Variants in TBC1D14 observed in about 807,000 individuals in gnomAD.
TBC1D14 encodes TBC1 domain family, member 14.
A neutral mutation model predicts 79.0 loss-of-function variants in TBC1D14; 26 were observed. The ratio of observed to expected loss-of-function variants is 0.33; its 90% CI spans 0.24 to 0.46. The LOEUF is 0.46. Ranked by LOEUF, TBC1D14 falls within the 20% of genes least tolerant of loss-of-function variation. The pLI is 1.00. For synonymous variants in TBC1D14, 394 were observed against 349.9 expected (o/e 1.13, Z -1.40); for missense variants, 769 against 887.6 (o/e 0.87, Z 1.70).
intron 9 of TBC1D14, among the ~76,000 whole-genome samples, chr4:7,008,518 T>C (rs1258317274): frequency 6.6e-6 from 1 of 152,210 alleles, no homozygotes. Flanking sequence ...GTTCAAGCGA[T>C]TCTCTTGCCT....
intron 2 of TBC1D14, among the ~76,000 whole-genome samples, chr4:6,937,357 T>C (rs1712440320): frequency 6.6e-6 from 1 of 152,202 alleles, no homozygotes; most frequent in Non-Finnish European, 1.5e-5. Context: ...TGAACATGTT[T>C]TTTTATAAGG....
At chr4:7,015,436 GT>G (rs1721185642) in intron 12 of TBC1D14, among the ~76,000 whole-genome samples, 1 of 152,188 alleles carries the variant, frequency 6.6e-6, no homozygotes, top group Non-Finnish European at 1.5e-5. Flanking sequence ...GGCCAGGGCA[GT>G]TAGTGGATTT....
intron 13 of TBC1D14, among the ~76,000 whole-genome samples, chr4:7,029,475 C>G (rs1300687688): frequency 6.6e-6 from 1 of 152,234 alleles, no homozygotes; most frequent in Non-Finnish European, 1.5e-5. Flanking sequence ...GCAGAGTTCT[C>G]TGCTTGGCGT....
intron 13 of TBC1D14, among the ~76,000 whole-genome samples, chr4:7,028,754 G>T (rs775603001): frequency 6.6e-6 from 1 of 151,844 alleles, no homozygotes; most frequent in Non-Finnish European, 1.5e-5. Flanking sequence ...TACAGTTCAG[G>T]TCTCATGGGA....
chr4:7,019,401 C>T (rs1173613446), intron 12 of TBC1D14, among the ~76,000 whole-genome samples: 4 of 152,254 alleles, frequency 2.6e-5, no homozygotes, highest in Middle Eastern at 3.4e-3. Flanking sequence ...GCACTTGGGT[C>T]GTCTCTGGCC....
chr4:6,917,378 G>A (rs1723487469), intron 1 of TBC1D14, among the ~76,000 whole-genome samples: 1 of 152,252 alleles, frequency 6.6e-6, no homozygotes, highest in Admixed American at 6.5e-5. Flanking sequence ...TTGTAAAATA[G>A]CTGTTTCAGG....
At chr4:6,939,042 C>T (rs538500885) in intron 2 of TBC1D14, among the ~76,000 whole-genome samples, 1 of 152,280 alleles carries the variant, frequency 6.6e-6, no homozygotes, top group South Asian at 2.1e-4. Flanking sequence ...GCTAGTGAAA[C>T]CCTCTCCGGC....
At chr4:6,995,758 T>G (rs1354754804) in intron 4 of TBC1D14, 1 of 152,544 alleles carries the variant, frequency 6.6e-6, no homozygotes, top group African/African-American at 2.4e-5. Context: ...GTGATCCACC[T>G]GCCTCGGCCT....
Position 7,025,094 on chromosome 4 carries a change from C to T in TBC1D14, c.1848C>T (p.Phe616=), listed in dbSNP as rs942678577. The part of the protein sequence containing the change: ...VFCRDGEEFL[F]RTALGILKLF... Reference sequence around the variant, plus strand: ...GTCGCGATGGGGAAGAGTTCCTGTTCCGCACGGCCCTGGGCATCCTGAAGC... The same window carrying T: ...GTCGCGATGGGGAAGAGTTCCTGTTTCGCACGGCCCTGGGCATCCTGAAGC... The change falls in exon 13 of 14, where the codon TTC becomes TTT. Residue 616 remains phenylalanine, a synonymous_variant. Transcript: ENST00000409757. 1.1e-5 allele frequency: 18 copies of T among 1,614,094 alleles called. No homozygotes were observed. The highest frequency in any genetic ancestry group is 2.2e-5 in the East Asian group (1 of 44,892).
chr4:6,968,669 C>T (rs1044555056), intron 3 of TBC1D14, among the ~76,000 whole-genome samples: 2 of 152,218 alleles, frequency 1.3e-5, no homozygotes, highest in African/African-American at 4.8e-5. Flanking sequence ...AGGAGGCTGA[C>T]CGCCGGGAGG....
At chr4:6,916,447 T>G (rs1723409641) in intron 1 of TBC1D14, among the ~76,000 whole-genome samples, 1 of 152,246 alleles carries the variant, frequency 6.6e-6, no homozygotes, top group African/African-American at 2.4e-5. Context: ...GGTTTGGCCT[T>G]GTAAACAGTT....
In TBC1D14 at chr4:7,030,446, C is replaced by G; in HGVS notation, c.*54C>G. On this transcript the variant is annotated 3_prime_UTR_variant, in exon 14 of 14. Transcript: ENST00000409757. ...CAATCAGAGCCCCATGCCGCGGCCC[C>G]TCTGTTGTTTCAGACTGACACCCGG... is the stretch of plus-strand genomic sequence containing the variant. The G allele has an allele frequency of 1.9e-6, 3 of 1,593,188 alleles. No individual in the cohort carries two copies. Among genetic ancestry groups the G allele is most frequent in the Non-Finnish European group, 2.6e-6 (3 of 1,162,464 alleles).
chr4:6,952,277 G>A (rs1214095881), intron 2 of TBC1D14, among the ~76,000 whole-genome samples: 2 of 152,244 alleles, frequency 1.3e-5, no homozygotes, highest in Non-Finnish European at 2.9e-5. Context: ...AGGTCTGGGT[G>A]GGACTCAAGA....
rs1723195170 is a variant in TBC1D14, at chr4:7,032,938, A to G, written c.*2546A>G. On this transcript the variant is annotated 3_prime_UTR_variant, in exon 14 of 14. Transcript: ENST00000409757. ...TTCAGAAGGTACTTTTTAACTGCTC[A>G]GTTTTTGACTATTTTAAATAGTTTG... 1 of 152,594 alleles carries G rather than the reference A, an allele frequency of 6.6e-6. No individual in the cohort carries two copies. The highest frequency in any genetic ancestry group is 1.5e-5 in the Non-Finnish European group (1 of 68,036). The allele number at this position is 152,594 out of a possible 1,614,324, so 9.5% of individuals were successfully genotyped here.
chr4:6,978,841 T>C (rs2109089450), intron 3 of TBC1D14, among the ~76,000 whole-genome samples: 1 of 151,792 alleles, frequency 6.6e-6, no homozygotes, highest in Non-Finnish European at 1.5e-5. Context: ...CTTATTCCTA[T>C]TGAGATTGAT....
chr4:6,973,984 C>T (rs778723601), intron 3 of TBC1D14, among the ~76,000 whole-genome samples: 3 of 151,946 alleles, frequency 2.0e-5, no homozygotes, highest in Non-Finnish European at 2.9e-5. Context: ...CCACCACCCC[C>T]GGCTCATTTT....
rs1473733004 is a variant in TBC1D14 at position 6,956,982 on chromosome 4, T to TC, written c.723-10320dup. On this transcript the variant is annotated intron_variant, in intron 2 of 13. Coordinates refer to ENST00000409757, the MANE Select transcript of TBC1D14 (RefSeq NM_020773.3). ...TTTTTACCATTGATTTGGTATCTCC[T>TC]CCACCACACCCCACAGCTTTGCCTT... 1.2e-4 allele frequency among the ~76,000 whole-genome samples: 18 copies of TC among 152,356 alleles called. No individual in the cohort carries two copies. The East Asian group carries it at 3.1e-3, about 26-fold the overall frequency.
At chr4:6,922,492 T>G (rs1268487541) in intron 1 of TBC1D14, among the ~76,000 whole-genome samples, 1 of 152,180 alleles carries the variant, frequency 6.6e-6, no homozygotes, top group Admixed American at 6.5e-5. Context: ...TTGCCGAGCC[T>G]TGGTTTCTTC....
intron 2 of TBC1D14, among the ~76,000 whole-genome samples, chr4:6,956,505 C>A (rs1278706680): frequency 6.6e-6 from 1 of 152,262 alleles, no homozygotes; most frequent in African/African-American, 2.4e-5. Context: ...CACAGACCTG[C>A]CATTGAGCGC....
Sources: allele counts gnomAD v4.1 joint callset (sites outside exome capture counted in the v4.1 genomes callset), GRCh38; gene constraint gnomAD v4.1.1; transcripts MANE v1.5; gene names NCBI Gene and HGNC (gene_info 2026-07-23, HGNC 2026-07-21).